The following WDFY2 variants were observed in gnomAD, a reference collection of about 807,000 sequenced individuals.
The protein encoded by WDFY2 is WD repeat and FYVE domain containing 2, also known as WD repeat and FYVE domain-containing protein 2.
A neutral mutation model predicts 56.4 loss-of-function variants in WDFY2; 36 were observed. The observed-to-expected ratio is 0.64, with a 90% CI of 0.49 to 0.84. The LOEUF is 0.84. Ranked by LOEUF, WDFY2 falls within the 40% of genes least tolerant of loss-of-function variation. The pLI is 0.00. For missense variants in WDFY2, 444 were observed against 512.2 expected, an observed-to-expected ratio of 0.87 and a Z score of 1.29; for synonymous variants, 176 against 183.7, an observed-to-expected ratio of 0.96 and a Z score of 0.34.
chr13:51,593,707 C>T (rs1354075710), intron 1 of WDFY2, among the ~76,000 whole-genome samples: 3 of 151,998 alleles, frequency 2.0e-5, no homozygotes, highest in African/African-American at 7.2e-5. Flanking sequence ...TTGTCTGTTT[C>T]TGTCCTTTGT....
chr13:51,727,573 C>G, intron 5 of WDFY2, 105 bp from the exon 6 acceptor site: 1 of 1,016,428 alleles, frequency 9.8e-7, no homozygotes, highest in Non-Finnish European at 1.5e-6. Context: ...TTCACATTTT[C>G]CTCAGATGGG....
Position 51,739,089 on chromosome 13 carries a change from G to A in WDFY2, c.639G>A (p.Val213=), listed in dbSNP as rs377141269. The change falls in exon 7 of 12, where the codon GTG becomes GTA. Residue 213 remains valine (V), a synonymous_variant. Transcript: ENST00000298125. ...TCTGTTGGGACCCAGTCCAGCGGGTGTTGTTCTCAGGCAGTTCAGATCACT... is the reference window on the plus strand; with the variant it reads ...TCTGTTGGGACCCAGTCCAGCGGGTATTGTTCTCAGGCAGTTCAGATCACT... ...TALCWDPVQR[V]LFSGSSDHSV... is the part of the protein sequence containing the mutation. The A allele has an allele frequency of 5.9e-5, 94 of 1,602,276 alleles. No homozygotes were observed. Among genetic ancestry groups the A allele is most frequent in the Non-Finnish European group, 7.8e-5 (92 of 1,174,810 alleles).
rs577298689 is a variant in WDFY2 at position 51,766,790 on chromosome 13, C to G, written c.*7021C>G. 11 of 152,366 alleles carry G rather than the reference C, an allele frequency of 7.2e-5. No homozygotes were observed. The South Asian group carries it at 1.4e-3, about 20-fold the overall frequency. 9.4% of individuals were successfully genotyped at this position (152,366 alleles called of 1,614,324 possible). ...GGTTTAAAATAAATCTCTGTGAAAA[C>G]CTTTCTGCAGCTATGGTCCCATCAC... is the stretch of plus-strand genomic sequence containing the variant. On this transcript the variant is annotated 3_prime_UTR_variant, in exon 12 of 12. Transcript: ENST00000298125.
chr13:51,629,608 T>C (rs921952528), intron 1 of WDFY2, among the ~76,000 whole-genome samples: 9 of 152,168 alleles, frequency 5.9e-5, no homozygotes, highest in African/African-American at 2.2e-4. Flanking sequence ...AGGATAATCA[T>C]TAATAACATC....
chr13:51,751,464 T>C (rs1348825532), intron 8 of WDFY2, 49 bp downstream of exon 8: 8 of 1,489,130 alleles, frequency 5.4e-6, no homozygotes, highest in Non-Finnish European at 7.5e-6. Flanking sequence ...TGGCCCTGCC[T>C]CCCTTCCTGC....
chr13:51,737,397 T>A (rs1952861710), intron 6 of WDFY2, among the ~76,000 whole-genome samples: 1 of 151,286 alleles, frequency 6.6e-6, no homozygotes, highest in African/African-American at 2.4e-5. Context: ...TTCTTACTCC[T>A]TCATTCAATC....
chr13:51,732,592 G>T (rs1408146852), intron 6 of WDFY2, among the ~76,000 whole-genome samples: 2 of 152,214 alleles, frequency 1.3e-5, no homozygotes, highest in Non-Finnish European at 2.9e-5. Flanking sequence ...TTCATGAGCT[G>T]TTAGGGGACT....
chr13:51,749,728 A>C (rs1408907974), intron 7 of WDFY2, among the ~76,000 whole-genome samples: 1 of 152,166 alleles, frequency 6.6e-6, no homozygotes, highest in Non-Finnish European at 1.5e-5. Flanking sequence ...TTTATAATCA[A>C]AGTCACAGTA....
At chr13:51,616,674 C>T (rs1954621375) in intron 1 of WDFY2, among the ~76,000 whole-genome samples, 1 of 152,206 alleles carries the variant, frequency 6.6e-6, no homozygotes. Context: ...AAGTGACACA[C>T]GTTTCTTCCA....
At chr13:51,705,232 C>G (rs1020448412) in intron 4 of WDFY2, among the ~76,000 whole-genome samples, 1 of 152,190 alleles carries the variant, frequency 6.6e-6, no homozygotes, top group African/African-American at 2.4e-5. Flanking sequence ...GAAGCAGATT[C>G]TCCCCATCAA....
At chr13:51,630,426 A>T (rs2138378393) in intron 1 of WDFY2, among the ~76,000 whole-genome samples, 1 of 147,562 alleles carries the variant, frequency 6.8e-6, no homozygotes, top group Middle Eastern at 3.5e-3. Flanking sequence ...ATTTTAGTGA[A>T]TTTTTTTGGT....
intron 2 of WDFY2, among the ~76,000 whole-genome samples, chr13:51,665,588 C>A (rs907390710): frequency 6.6e-6 from 1 of 152,184 alleles, no homozygotes; most frequent in African/African-American, 2.4e-5. Context: ...AGCAGAGGAA[C>A]CTCTTGCAGG....
chr13:51,737,580 A>AG (rs1952869790), intron 6 of WDFY2, among the ~76,000 whole-genome samples: 2 of 149,936 alleles, frequency 1.3e-5, no homozygotes, highest in East Asian at 1.9e-4. Context: ...AAAAAAAAAA[A>AG]AAGAATAATC....
At chr13:51,594,708 G>A (rs1359591787) in intron 1 of WDFY2, among the ~76,000 whole-genome samples, 1 of 152,216 alleles carries the variant, frequency 6.6e-6, no homozygotes, top group Non-Finnish European at 1.5e-5. Flanking sequence ...TCTTTCCAAA[G>A]CCTTAGGATT....
chr13:51,739,013 C>T (rs774156231), intron 6 of WDFY2, 36 bp from the exon 7 acceptor site: 2 of 1,522,282 alleles, frequency 1.3e-6, no homozygotes, highest in Admixed American at 2.0e-5. Context: ...AGAGTCTTAC[C>T]TTGTGACTGA....
At chr13:51,724,294 A>G (rs1386990338) in intron 5 of WDFY2, among the ~76,000 whole-genome samples, 2 of 143,336 alleles carry the variant, frequency 1.4e-5, no homozygotes, top group Non-Finnish European at 3.0e-5. Flanking sequence ...CTGGAGTGCA[A>G]TGGCACTATC....
At chr13:51,730,225 C>T (rs1952692871) in intron 6 of WDFY2, among the ~76,000 whole-genome samples, 1 of 152,234 alleles carries the variant, frequency 6.6e-6, no homozygotes, top group African/African-American at 2.4e-5. Context: ...CCTTCCAGCT[C>T]CCTGCAATCT....
intron 1 of WDFY2, among the ~76,000 whole-genome samples, chr13:51,630,931 A>G (rs1954939935): frequency 1.3e-5 from 2 of 151,378 alleles, no homozygotes; most frequent in African/African-American, 4.8e-5. Flanking sequence ...GGTGTGTGCC[A>G]CCACGCCCAG....
At chr13:51,725,738 G>A (rs963443742) in intron 5 of WDFY2, among the ~76,000 whole-genome samples, 16 of 150,784 alleles carry the variant, frequency 1.1e-4, no homozygotes, top group African/African-American at 3.4e-4. Context: ...GTGTCACCCA[G>A]GCTGGAGTGC....
Sources: gnomAD v4.1 joint callset for allele counts (sites outside exome capture counted in the v4.1 genomes callset) on GRCh38, gnomAD v4.1.1 for gene constraint, MANE v1.5 for transcripts, NCBI Gene and HGNC (gene_info 2026-07-23, HGNC 2026-07-21) for gene names.